FAF2: variants seen among roughly 807,000 people sequenced by gnomAD.
The protein encoded by FAF2 is FAS-associated factor 2.
FAF2 carries 9 observed loss-of-function variants against 62.3 expected under a neutral mutation model. That is an observed-to-expected ratio of 0.14 (90% CI 0.09 to 0.25). The LOEUF (loss-of-function observed/expected upper bound fraction) is 0.25, where lower values mean the gene tolerates loss of function less well. FAF2 is among the 10% of genes least tolerant of loss of function. The pLI is 1.00. For synonymous variants in FAF2, 202 were observed against 198.0 expected, an observed-to-expected ratio of 1.02 and a Z score of -0.17; for missense variants, 368 against 556.2, an observed-to-expected ratio of 0.66 and a Z score of 3.40.
At chr5:176,458,551 G>A (rs550590238) in intron 1 of FAF2, among the ~76,000 whole-genome samples, 6 of 149,842 alleles carry the variant, frequency 4.0e-5, no homozygotes, top group African/African-American at 9.8e-5. Context: ...TTACAGGCGC[G>A]TGCCACCACA....
At chr5:176,469,869 A>G (rs1028181708) in intron 1 of FAF2, among the ~76,000 whole-genome samples, 1 of 152,218 alleles carries the variant, frequency 6.6e-6, no homozygotes. Context: ...TCGTAAAATA[A>G]TGTGCAAAAT....
At chr5:176,451,154 T>C (rs1266266515) in intron 1 of FAF2, among the ~76,000 whole-genome samples, 2 of 152,136 alleles carry the variant, frequency 1.3e-5, no homozygotes, top group African/African-American at 4.8e-5. Flanking sequence ...GTGGATCACC[T>C]GAGATCAGGA....
At chr5:176,495,153 C>T (rs575505884) in intron 7 of FAF2, among the ~76,000 whole-genome samples, 2 of 152,224 alleles carry the variant, frequency 1.3e-5, no homozygotes, top group Non-Finnish European at 2.9e-5. Context: ...GTAAAAGATA[C>T]GAAGGCATCC....
intron 10 of FAF2, 132 bp downstream of exon 10, chr5:176,500,278 A>G: frequency 1.1e-6 from 1 of 894,598 alleles, no homozygotes; most frequent in Non-Finnish European, 1.7e-6. Flanking sequence ...AGAGAGAGAG[A>G]GATGGGTATG....
At chr5:176,487,206 A>T (rs1157605531) in intron 3 of FAF2, among the ~76,000 whole-genome samples, 1 of 152,126 alleles carries the variant, frequency 6.6e-6, no homozygotes, top group East Asian at 1.9e-4. Flanking sequence ...TCTGTTTGAG[A>T]CAGGGTCTCA....
chr5:176,497,433 G>A (rs879656617), intron 8 of FAF2, among the ~76,000 whole-genome samples: 6 of 151,918 alleles, frequency 3.9e-5, no homozygotes, highest in Non-Finnish European at 8.8e-5. Flanking sequence ...CCCTATATAC[G>A]TACACATTTA....
chr5:176,478,457 T>C (rs933954549), intron 1 of FAF2, among the ~76,000 whole-genome samples: 2 of 151,976 alleles, frequency 1.3e-5, no homozygotes, highest in East Asian at 3.9e-4. Context: ...CCAAACTGGA[T>C]GACAGAGCAA....
rs1206399295 is a variant in FAF2, at chr5:176,510,023, A to G, written c.*3073A>G. ...GTGTACTTTAAATTTTTTTCATAAA[A>G]GTTTACATTGTATTGTAGGTTAACA... On this transcript the variant is annotated 3_prime_UTR_variant, in exon 11 of 11. Coordinates refer to ENST00000261942, the MANE Select transcript of FAF2 (RefSeq NM_014613.3). 1 of 152,678 alleles carries G rather than the reference A, an allele frequency of 6.5e-6. No homozygotes were observed. The highest frequency in any genetic ancestry group is 2.4e-5 in the African/African-American group (1 of 41,472). The allele number at this position is 152,678 out of a possible 1,614,324, so 9.5% of individuals were successfully genotyped here.
chr5:176,479,373 C>A (rs1490108028), intron 2 of FAF2, 117 bp downstream of exon 2: 2 of 814,510 alleles, frequency 2.5e-6, no homozygotes, highest in Non-Finnish European at 2.0e-6. Context: ...AATTATGACT[C>A]TAAAAATAAA....
chr5:176,487,337 C>T (rs971793397), intron 3 of FAF2, among the ~76,000 whole-genome samples: 2 of 152,118 alleles, frequency 1.3e-5, no homozygotes, highest in Non-Finnish European at 2.9e-5. Context: ...GTGTGCGCCA[C>T]CATCCTGGTT....
chr5:176,506,917 A>G lies in FAF2; in HGVS notation c.1305A>G (p.Glu435=), dbSNP rs1483322552. 4 of 1,602,986 alleles carry G rather than the reference A, an allele frequency of 2.5e-6. No individual in the cohort carries two copies. In the South Asian group the frequency reaches 4.5e-5, roughly 18 times the overall value. The change falls in exon 11 of 11, where the codon GAA becomes GAG. Residue 435 remains glutamate, a synonymous_variant. Transcript: ENST00000261942. ...TLQEAGLSHT[E]VLFVQDLTDE ...AGGAGGCCGGACTCAGCCACACAGA[A>G]GTTCTTTTTGTTCAGGACCTAACTG...
intron 10 of FAF2, among the ~76,000 whole-genome samples, chr5:176,501,620 C>T (rs1755591962): frequency 6.6e-6 from 1 of 152,186 alleles, no homozygotes; most frequent in Non-Finnish European, 1.5e-5. Flanking sequence ...TTGGCCAGTA[C>T]AGAATGTAAG....
intron 1 of FAF2, among the ~76,000 whole-genome samples, chr5:176,477,200 C>T (rs1299243186): frequency 6.8e-6 from 1 of 147,788 alleles, no homozygotes; most frequent in Admixed American, 6.8e-5. Context: ...CCGCCTCGGC[C>T]TCCCAAAGTG....
chr5:176,461,639 T>C (rs543262196), intron 1 of FAF2, among the ~76,000 whole-genome samples: 37 of 152,134 alleles, frequency 2.4e-4, no homozygotes, highest in Non-Finnish European at 5.3e-4. Flanking sequence ...TTGCCAGTTT[T>C]TTTTTAATGG....
At chr5:176,506,202 AAAAAC>A (rs1755681459) in intron 10 of FAF2, among the ~76,000 whole-genome samples, 1 of 148,198 alleles carries the variant, frequency 6.7e-6, no homozygotes, top group Non-Finnish European at 1.5e-5. Context: ...CAAAAAAAAA[AAAAAC>A]AAAAAAAAAA....
rs200755895 is a variant in FAF2, at chr5:176,506,209, A to C, written c.1156-559A>C. On this transcript the variant is annotated intron_variant, in intron 10 of 10. Transcript: ENST00000261942. ...GACTCTCTCAAAAAAAAAAAAAACA[A>C]AAAAAAAAAACTGGATCCCTTTGCT... 6.2e-5 allele frequency among the ~76,000 whole-genome samples: 9 copies of C among 145,040 alleles called. No homozygotes were observed. The East Asian group carries it at 1.8e-3, about 29-fold the overall frequency.
At chr5:176,483,845 G>A (rs138142035) in intron 2 of FAF2, among the ~76,000 whole-genome samples, 2 of 152,300 alleles carry the variant, frequency 1.3e-5, no homozygotes, top group East Asian at 3.9e-4. Flanking sequence ...CGGAGGCCAA[G>A]GTGGGTGGAT....
intron 8 of FAF2, 30 bp downstream of exon 8, chr5:176,496,693 A>C: frequency 6.8e-7 from 1 of 1,466,698 alleles, no homozygotes; most frequent in Non-Finnish European, 9.1e-7. Context: ...TGGAACAGAG[A>C]GAGACCAGTT....
chr5:176,472,774 G>A (rs1312184582), intron 1 of FAF2, among the ~76,000 whole-genome samples: 1 of 151,410 alleles, frequency 6.6e-6, no homozygotes, highest in African/African-American at 2.4e-5. Context: ...GAAAAATAGG[G>A]CTCATATGGT....
Sources: gnomAD v4.1 joint callset for allele counts (sites outside exome capture counted in the v4.1 genomes callset) on GRCh38, gnomAD v4.1.1 for gene constraint, MANE v1.5 for transcripts, NCBI Gene and HGNC (gene_info 2026-07-23, HGNC 2026-07-21) for gene names.